Variants in ITGB3BP observed in about 807,000 individuals in gnomAD.
ITGB3BP encodes the protein centromere protein R.
A neutral mutation model predicts 29.1 loss-of-function variants in ITGB3BP; 27 were observed. The ratio of observed to expected loss-of-function variants is 0.93; its 90% CI spans 0.68 to 1.28. The LOEUF (loss-of-function observed/expected upper bound fraction) is 1.28, where lower values mean the gene tolerates loss of function less well. Ranked by LOEUF, ITGB3BP falls within the 50% of genes most tolerant of loss-of-function variation. The pLI, the probability that ITGB3BP is intolerant of heterozygous loss-of-function variation, is 0.00. For missense variants in ITGB3BP, 192 were observed against 200.2 expected, an observed-to-expected ratio of 0.96 and a Z score of 0.25; for synonymous variants, 61 against 61.4, an observed-to-expected ratio of 0.99 and a Z score of 0.03.
In ITGB3BP at chr1:63,454,358, T is replaced by C. The variant is rs747909265; in HGVS notation, c.427+22A>G. ...AGGTTTATCTTTAAAATTACTGTCA[T>C]TGAAAACTCAAAAATTCTTACTTAG... On this transcript the variant is annotated intron_variant, in intron 6 of 8. Transcript: ENST00000271002. The surrounding 1 kb of genome is among the most constrained non-coding windows in gnomAD (Gnocchi z 4.1). The C allele has an allele frequency of 2.8e-5, 36 of 1,295,406 alleles. No homozygotes were observed. Among genetic ancestry groups the C allele is most frequent in the South Asian group, 1.4e-4 (11 of 80,158 alleles). The allele number at this position is 1,295,406 out of a possible 1,614,324, so 80.2% of individuals were successfully genotyped here.
chr1:63,468,505 G>A (rs1645138445), intron 4 of ITGB3BP, among the ~76,000 whole-genome samples: 1 of 151,580 alleles, frequency 6.6e-6, no homozygotes, highest in African/African-American at 2.4e-5. Flanking sequence ...AGGCAGGCAG[G>A]TCACAAGGTC....
chr1:63,505,819 C>T (rs1294169603), intron 2 of ITGB3BP, among the ~76,000 whole-genome samples: 27 of 152,090 alleles, frequency 1.8e-4, no homozygotes, highest in Admixed American at 1.6e-3. Context: ...TGTAGTTGAG[C>T]GGTTTTGAGT....
chr1:63,524,678 A>G (rs1051854986), upstream of ITGB3BP, among the ~76,000 whole-genome samples: 1 of 152,220 alleles, frequency 6.6e-6, no homozygotes, highest in Admixed American at 6.5e-5. Flanking sequence ...CTAATACCCC[A>G]TAGTAACCAT....
chr1:63,525,568 A>G (rs200522774), upstream of ITGB3BP: 145 of 1,481,662 alleles, frequency 9.8e-5, no homozygotes, highest in East Asian at 2.9e-3. Context: ...TTATTTTCCA[A>G]TAGAATGGCG....
intron 2 of ITGB3BP, among the ~76,000 whole-genome samples, chr1:63,507,366 A>T (rs957706830): frequency 1.3e-5 from 2 of 152,212 alleles, no homozygotes; most frequent in Non-Finnish European, 2.9e-5. Context: ...TCATCTGAAG[A>T]AAAAATACAA....
chr1:63,528,765 A>G (rs1487094299), intron 2 of ITGB3BP, among the ~76,000 whole-genome samples: 1 of 152,180 alleles, frequency 6.6e-6, no homozygotes, highest in African/African-American at 2.4e-5. Flanking sequence ...GAAATTTTGC[A>G]GGAAATTTTA....
chr1:63,464,936 G>C (rs1645074260), intron 4 of ITGB3BP, among the ~76,000 whole-genome samples: 1 of 152,032 alleles, frequency 6.6e-6, no homozygotes, highest in African/African-American at 2.4e-5. Flanking sequence ...TAAAAAAATT[G>C]TTCTAGATTG....
upstream of ITGB3BP, chr1:63,525,902 T>C: frequency 5.2e-6 from 3 of 581,588 alleles, no homozygotes; most frequent in Non-Finnish European, 5.9e-6. Context: ...TAAGCTATTA[T>C]GTCATATCAT....
In ITGB3BP at chr1:63,508,513, TA is replaced by T; in HGVS notation, c.48+14del. ...ACAATCTTATTCAATGACAAACTTT[TA>T]AGCAAATACTTACATTTTCTTCTAA... On this transcript the variant is annotated intron_variant, in intron 2 of 8. Coordinates refer to ENST00000271002, the MANE Select transcript of ITGB3BP (RefSeq NM_014288.5). 7.6e-7 allele frequency: 1 copy of T among 1,322,122 alleles called. No individual in the cohort carries two copies. The highest frequency in any genetic ancestry group is 1.0e-6 in the Non-Finnish European group (1 of 957,106). 81.9% of individuals were successfully genotyped at this position (1,322,122 alleles called of 1,614,324 possible). A position where few individuals can be genotyped will look rare whatever the true frequency, so the allele number is the denominator to read the frequency against.
chr1:63,506,243 G>C (rs1221864826), intron 2 of ITGB3BP, among the ~76,000 whole-genome samples: 1 of 152,142 alleles, frequency 6.6e-6, no homozygotes, highest in Admixed American at 6.5e-5. Context: ...TCTTCTTGTT[G>C]AATTGATCCC....
intron 8 of ITGB3BP, chr1:63,442,392 A>G (rs1236554256): frequency 2.0e-5 from 3 of 152,092 alleles, no homozygotes; most frequent in Non-Finnish European, 2.9e-5. Context: ...TTTTTATTAT[A>G]ATACTTCCTA....
intron 3 of ITGB3BP, among the ~76,000 whole-genome samples, chr1:63,487,583 A>C (rs1645555490): frequency 6.6e-6 from 1 of 152,064 alleles, no homozygotes; most frequent in African/African-American, 2.4e-5. Flanking sequence ...CTCCTAGTCT[A>C]CAAACCTGTA....
At chr1:63,477,146 C>T (rs1645354117) in intron 4 of ITGB3BP, among the ~76,000 whole-genome samples, 1 of 152,262 alleles carries the variant, frequency 6.6e-6, no homozygotes, top group Non-Finnish European at 1.5e-5. Flanking sequence ...AGATGCCAAA[C>T]AATGAGGCTT....
intron 3 of ITGB3BP, among the ~76,000 whole-genome samples, chr1:63,484,350 A>G (rs1307941226): frequency 1.3e-5 from 2 of 152,046 alleles, no homozygotes; most frequent in East Asian, 3.8e-4. Context: ...CCAGTAACCA[A>G]TCCCCCAGAT....
chr1:63,490,221 G>A lies in ITGB3BP; in HGVS notation c.49-3C>T, dbSNP rs1455848574. 1 of 1,528,928 alleles carries A rather than the reference G, an allele frequency of 6.5e-7. No individual in the cohort carries two copies. The highest frequency in any genetic ancestry group is 9.0e-7 in the Non-Finnish European group (1 of 1,112,282). 94.7% of individuals were successfully genotyped at this position (1,528,928 alleles called of 1,614,324 possible). ...GTGATTTTTGAAGGATCAAATGACT[G>A]GAAATAAATAATAATTAAGGACAGA... On this transcript the variant is annotated splice_region_variant and splice_polypyrimidine_tract_variant and intron_variant, in intron 2 of 8. Transcript: ENST00000271002.
chr1:63,503,120 C>G (rs1645981218), intron 2 of ITGB3BP, among the ~76,000 whole-genome samples: 3 of 152,152 alleles, frequency 2.0e-5, no homozygotes, highest in Admixed American at 2.0e-4. Flanking sequence ...AACTAGTTTA[C>G]AGTCCCACCA....
chr1:63,467,375 G>A (rs1645115840), intron 4 of ITGB3BP, among the ~76,000 whole-genome samples: 1 of 150,612 alleles, frequency 6.6e-6, no homozygotes, highest in Admixed American at 6.6e-5. Flanking sequence ...TTTGAGACAG[G>A]GTCTCGCTCT....
chr1:63,494,178 C>A (rs1645731105), intron 2 of ITGB3BP, among the ~76,000 whole-genome samples: 1 of 152,052 alleles, frequency 6.6e-6, no homozygotes, highest in African/African-American at 2.4e-5. Context: ...CTTGCTGGGT[C>A]TTCCGGACTG....
chr1:63,501,823 A>G (rs187739067), intron 2 of ITGB3BP, among the ~76,000 whole-genome samples: 18 of 151,750 alleles, frequency 1.2e-4, no homozygotes, highest in Admixed American at 1.2e-3. Context: ...GATCATAACA[A>G]TGTACTCCAG....
Sources: allele counts gnomAD v4.1 joint callset (sites outside exome capture counted in the v4.1 genomes callset), GRCh38; gene constraint gnomAD v4.1.1; non-coding constraint Gnocchi (gnomAD v3.1); transcripts MANE v1.5; gene names NCBI Gene and HGNC (gene_info 2026-07-23, HGNC 2026-07-21).